The following TMPRSS2 variants were observed in gnomAD, a reference collection of about 807,000 sequenced individuals.
The protein encoded by TMPRSS2 is transmembrane serine protease 2.
TMPRSS2 carries 59 observed loss-of-function variants against 67.4 expected under a neutral mutation model. That is an observed-to-expected ratio of 0.88 (90% CI 0.71 to 1.09). The LOEUF (loss-of-function observed/expected upper bound fraction) is 1.09, where lower values mean the gene tolerates loss of function less well. Among genes scored for constraint, TMPRSS2 ranks in the 50% least tolerant of loss-of-function variants. TMPRSS2 has a pLI of 0.00. For missense variants in TMPRSS2, 668 were observed against 642.7 expected, an observed-to-expected ratio of 1.04 and a Z score of -0.43; for synonymous variants, 257 against 257.0, an observed-to-expected ratio of 1.00 and a Z score of 0.00.
intron 6 of TMPRSS2, among the ~76,000 whole-genome samples, chr21:41,479,518 G>A (rs1275389162): frequency 1.3e-5 from 2 of 152,118 alleles, no homozygotes; most frequent in Non-Finnish European, 2.9e-5. Context: ...ATCCAGGTTA[G>A]GATCAAGAAA....
rs1439578965 is a variant in TMPRSS2, at chr21:41,464,732, G to C, written c.*1410C>G. On this transcript the variant is annotated 3_prime_UTR_variant, in exon 14 of 14. Transcript: ENST00000332149. ...TTTTAGGATGTGTCTTGGGGAGCAA[G>C]CACCTTACAGTGCCAACTGTTTCCA... The C allele has an allele frequency of 4.3e-6, 1 of 233,182 alleles. No individual in the cohort carries two copies. Among genetic ancestry groups the C allele is most frequent in the African/African-American group, 2.2e-5 (1 of 45,360 alleles). 14.4% of individuals were successfully genotyped at this position (233,182 alleles called of 1,614,324 possible).
chr21:41,467,161 G>A (rs922954179), intron 13 of TMPRSS2, among the ~76,000 whole-genome samples: 5 of 152,158 alleles, frequency 3.3e-5, no homozygotes, highest in African/African-American at 7.2e-5. Context: ...GGCTGAGGTG[G>A]GTGAATCACC....
At chr21:41,483,501 C>T (rs1439078797) in intron 5 of TMPRSS2, among the ~76,000 whole-genome samples, 3 of 151,972 alleles carry the variant, frequency 2.0e-5, no homozygotes, top group Admixed American at 6.6e-5. Context: ...AGGCTGGTCT[C>T]GAACTCCTGA....
intron 1 of TMPRSS2, chr21:41,507,835 G>A: frequency 8.3e-7 from 1 of 1,198,700 alleles, no homozygotes; most frequent in Admixed American, 3.5e-5. Context: ...AGCCAACAGG[G>A]GCGGCGAGGG....
In TMPRSS2 at chr21:41,468,496, A is replaced by G. The variant is rs746555310; in HGVS notation, c.1214T>C (p.Ile405Thr). 1.9e-5 allele frequency: 31 copies of G among 1,614,056 alleles called. No individual in the cohort carries two copies. Among genetic ancestry groups the G allele is most frequent in the Non-Finnish European group, 2.5e-5 (29 of 1,180,020 alleles). ...EVLNAAKVLL[I>T]ETQRCNSRYV... The stretch of plus-strand genomic sequence containing the variant: ...TCTGCTGTTGCATCTCTGTGTCTCA[A>G]TGAGAAGCACCTTGGCAGCGTTCAG... The change falls in exon 12 of 14, where the codon ATT becomes ACT. Residue 405 changes from isoleucine to threonine, a missense_variant. Coordinates refer to ENST00000332149, the MANE Select transcript of TMPRSS2 (RefSeq NM_005656.4).
chr21:41,507,845 G>T, intron 1 of TMPRSS2: 3 of 1,289,486 alleles, frequency 2.3e-6, no homozygotes, highest in Non-Finnish European at 3.1e-6. Context: ...GGCGGCGAGG[G>T]CTCTCGGCCG....
intron 4 of TMPRSS2, 69 bp from the exon 5 acceptor site, chr21:41,488,582 A>T: frequency 6.6e-7 from 1 of 1,512,700 alleles, no homozygotes; most frequent in Non-Finnish European, 9.0e-7. Context: ...GGAGTGAGGA[A>T]CACCGTGGCA....
chr21:41,489,539 G>C lies in TMPRSS2; in HGVS notation c.293C>G (p.Ala98Gly). 1 of 1,614,156 alleles carries C rather than the reference G, an allele frequency of 6.2e-7. No individual in the cohort carries two copies. The change falls in exon 4 of 14, where the codon GCT (alanine) becomes GGT (glycine). Residue 98 changes from alanine to glycine, a missense_variant. Ala to Gly is a moderately conservative substitution (Grantham distance 60, BLOSUM62 0). Transcript: ENST00000332149. The part of the protein sequence containing the change: ...TLTLGTFLVG[A>G]ALAAGLLWKF... ...CCAGAGTAGGCCAGCGGCCAGCGCA[G>C]CTCCCACGAGGAAGGTCCCCAGGGT...
At chr21:41,496,630 G>A (rs974074722) in intron 2 of TMPRSS2, among the ~76,000 whole-genome samples, 4 of 151,700 alleles carry the variant, frequency 2.6e-5, no homozygotes, top group African/African-American at 9.7e-5. Context: ...TTGCCTTCCC[G>A]AGACCTACCC....
intron 4 of TMPRSS2, among the ~76,000 whole-genome samples, chr21:41,489,127 C>G (rs1157974311): frequency 6.6e-6 from 1 of 152,184 alleles, no homozygotes; most frequent in Non-Finnish European, 1.5e-5. Context: ...GCACATGGGT[C>G]TGCACCACCC....
chr21:41,499,878 T>C (rs554170402), intron 1 of TMPRSS2, among the ~76,000 whole-genome samples: 2 of 152,170 alleles, frequency 1.3e-5, no homozygotes, highest in Non-Finnish European at 2.9e-5. Flanking sequence ...TGGCTTTAAA[T>C]GACCAAAGAA....
intron 1 of TMPRSS2, among the ~76,000 whole-genome samples, chr21:41,507,488 G>A (rs1042162529): frequency 1.3e-5 from 2 of 152,170 alleles, no homozygotes; most frequent in South Asian, 4.1e-4. Context: ...CTCGCCCGGG[G>A]GCCCTCCAGC....
At chr21:41,472,598 G>A (rs1429783069) in intron 9 of TMPRSS2, among the ~76,000 whole-genome samples, 1 of 152,174 alleles carries the variant, frequency 6.6e-6, no homozygotes, top group East Asian at 1.9e-4. Flanking sequence ...TTGCTTCCTT[G>A]ACCTTCATAA....
chr21:41,478,443 G>A lies in TMPRSS2; in HGVS notation c.683+729C>T, dbSNP rs116577479. On this transcript the variant is annotated intron_variant, in intron 7 of 13. Transcript: ENST00000332149. The surrounding 1 kb of genome is among the most constrained non-coding windows in gnomAD (Gnocchi z 4.0). ...AGAGCTCATGGGCAAAGGACACTGT[G>A]TATCTTTCACATCAGAAAACACATA... Among the ~76,000 whole-genome samples, 2,374 of 152,306 alleles carry A rather than the reference G, an allele frequency of 0.016. 62 individuals are homozygous for A. Among genetic ancestry groups the A allele is most frequent in the African/African-American group, 0.054 (2,246 of 41,528 alleles).
Position 41,466,187 on chromosome 21 carries a change from T to C in TMPRSS2, c.1468-34A>G, listed in dbSNP as rs369092228. 1.0e-4 allele frequency: 166 copies of C among 1,613,030 alleles called. No individual in the cohort carries two copies. The African/African-American group carries it at 2.0e-3, about 20-fold the overall frequency. ...ATAGGAAAAAAAAAAGTGTGTTATT[T>C]TCTTAAGACAAACAAAGGTGGAAAA... On this transcript the variant is annotated intron_variant, in intron 13 of 13. Coordinates refer to ENST00000332149, the MANE Select transcript of TMPRSS2 (RefSeq NM_005656.4).
rs1195528642 is a variant in TMPRSS2, at chr21:41,478,865, A to AAG, written c.683+306_683+307insCT. On this transcript the variant is annotated intron_variant, in intron 7 of 13. Transcript: ENST00000332149. The surrounding 1 kb of genome is among the most constrained non-coding windows in gnomAD (Gnocchi z 4.0). Reference sequence around the variant, plus strand: ...CCCTGACAAAATAGGTACACCTCTAAATGTCTGAAGAGGAAAGAAAACTAA... The same window carrying AAG: ...CCCTGACAAAATAGGTACACCTCTAAAGATGTCTGAAGAGGAAAGAAAACTAA... Among the ~76,000 whole-genome samples, 1 of 152,200 alleles carries AAG rather than the reference A, an allele frequency of 6.6e-6. No homozygotes were observed. The highest frequency in any genetic ancestry group is 1.9e-4 in the East Asian group (1 of 5,204).
At chr21:41,476,175 C>G (rs2091210971) in intron 8 of TMPRSS2, among the ~76,000 whole-genome samples, 1 of 152,208 alleles carries the variant, frequency 6.6e-6, no homozygotes, top group African/African-American at 2.4e-5. Flanking sequence ...TGATGAGCAC[C>G]TGGTGGCCAC....
At chr21:41,504,645 A>G (rs1313268742) in intron 1 of TMPRSS2, among the ~76,000 whole-genome samples, 1 of 152,012 alleles carries the variant, frequency 6.6e-6, no homozygotes, top group Non-Finnish European at 1.5e-5. Flanking sequence ...CCTGTCACAG[A>G]TCCCCCTTTT....
intron 12 of TMPRSS2, 59 bp from the exon 13 acceptor site, chr21:41,467,945 A>C: frequency 6.2e-7 from 1 of 1,603,704 alleles, no homozygotes; most frequent in Non-Finnish European, 8.5e-7. Flanking sequence ...GCCGCACACC[A>C]CTGACCAGGC....
Sources: allele counts gnomAD v4.1 joint callset (sites outside exome capture counted in the v4.1 genomes callset), GRCh38; gene constraint gnomAD v4.1.1; non-coding constraint Gnocchi (gnomAD v3.1); transcripts MANE v1.5; gene names NCBI Gene and HGNC (gene_info 2026-07-23, HGNC 2026-07-21).